The following HNMT variants were observed in gnomAD, a reference collection of about 807,000 sequenced individuals.
HNMT encodes the protein histamine N-methyltransferase.
Under a neutral mutation model 32.1 loss-of-function variants are expected in HNMT, and 30 were observed. The observed-to-expected ratio is 0.93, with a 90% CI of 0.70 to 1.27. The LOEUF is 1.27. HNMT is among the 50% of genes most tolerant of loss of function. The probability of loss-of-function intolerance (pLI) is 0.00; values close to 1 mark genes in which losing one functional copy is unlikely to be tolerated. For synonymous variants in HNMT, 125 were observed against 119.0 expected, an observed-to-expected ratio of 1.05 and a Z score of -0.33; for missense variants, 327 against 346.0, an observed-to-expected ratio of 0.95 and a Z score of 0.43.
intron 2 of HNMT, among the ~76,000 whole-genome samples, chr2:137,979,961 A>G (rs979408441): frequency 1.3e-5 from 2 of 152,048 alleles, no homozygotes; most frequent in Non-Finnish European, 2.9e-5. Flanking sequence ...TAAACAGCTG[A>G]AGCCCAAAGC....
chr2:137,988,336 T>C (rs370341172), intron 2 of HNMT, among the ~76,000 whole-genome samples: 76 of 152,232 alleles, frequency 5.0e-4, no homozygotes, highest in African/African-American at 1.7e-3. Flanking sequence ...ATGTGAATAA[T>C]CTTGACCTGA....
intron 4 of HNMT, chr2:138,002,432 TA>T (rs1241617946): frequency 1.1e-6 from 1 of 890,270 alleles, no homozygotes; most frequent in Admixed American, 5.4e-5. Context: ...TATCCATTTT[TA>T]AAAATGTTGG....
At position 137,978,899 on chromosome 2, in the gene HNMT, A is replaced by G. The variant is rs959268925; in HGVS notation, c.190+8682A>G. ...TTATATAATAAATAGTATAAAGTAT[A>G]CTCCATATTACATAATTATAATAGG... On this transcript the variant is annotated intron_variant, in intron 2 of 5. Transcript: ENST00000280097. Among the ~76,000 whole-genome samples, 10 of 139,904 alleles carry G rather than the reference A, an allele frequency of 7.1e-5. No individual in the cohort carries two copies. In the East Asian group the frequency reaches 2.1e-3, roughly 29 times the overall value. 91.8% of individuals were successfully genotyped at this position (139,904 alleles called of 152,430 possible).
chr2:137,987,697 A>G (rs1026008524), intron 2 of HNMT, among the ~76,000 whole-genome samples: 1 of 150,392 alleles, frequency 6.6e-6, no homozygotes, highest in East Asian at 2.0e-4. Context: ...ATGCCTGCAA[A>G]GATTAATGAT....
intron 2 of HNMT, among the ~76,000 whole-genome samples, chr2:137,984,886 A>G (rs1358191178): frequency 1.3e-5 from 2 of 152,156 alleles, no homozygotes; most frequent in African/African-American, 4.8e-5. Context: ...AGATTTAAAT[A>G]CCCTATGAAA....
intron 2 of HNMT, chr2:137,981,108 C>A: frequency 1.6e-6 from 2 of 1,282,390 alleles, no homozygotes; most frequent in Non-Finnish European, 2.1e-6. Flanking sequence ...TAAATTTTTC[C>A]TGCTGATAAT....
At position 138,015,525 on chromosome 2, in the gene HNMT, G is replaced by A. The variant is rs975985267; in HGVS notation, c.*1395G>A. The A allele has an allele frequency of 2.6e-5, 4 of 152,128 alleles. No homozygotes were observed. The highest frequency in any genetic ancestry group is 4.8e-5 in the African/African-American group (2 of 41,436). The allele number at this position is 152,128 out of a possible 1,614,324, so 9.4% of individuals were successfully genotyped here. A position where few individuals can be genotyped will look rare whatever the true frequency, so the allele number is the denominator to read the frequency against. On this transcript the variant is annotated 3_prime_UTR_variant, in exon 6 of 6. Coordinates refer to ENST00000280097, the MANE Select transcript of HNMT (RefSeq NM_006895.3). ...TTACACTAATAAACTACCAAGCTTT[G>A]TTGTTCATAATAAGTAAAATGGACT... is the stretch of plus-strand genomic sequence containing the variant.
At chr2:138,011,434 C>CAGTT (rs1681500477) in intron 5 of HNMT, among the ~76,000 whole-genome samples, 1 of 152,088 alleles carries the variant, frequency 6.6e-6, no homozygotes, top group Non-Finnish European at 1.5e-5. Flanking sequence ...GCATATCCTG[C>CAGTT]AGTTACCTCT....
At chr2:137,965,491 C>T (rs536708884) in intron 1 of HNMT, among the ~76,000 whole-genome samples, 1 of 152,212 alleles carries the variant, frequency 6.6e-6, no homozygotes, top group Non-Finnish European at 1.5e-5. Context: ...AATTCTTTCA[C>T]CAGGGCAGTA....
chr2:137,974,904 G>A (rs925650086), intron 2 of HNMT, among the ~76,000 whole-genome samples: 2 of 151,932 alleles, frequency 1.3e-5, no homozygotes, highest in Non-Finnish European at 2.9e-5. Context: ...CAGTTTGATG[G>A]GTCTCCTGTT....
In HNMT at chr2:138,010,766, G is replaced by A. The variant is rs572264731; in HGVS notation, c.524-3009G>A. On this transcript the variant is annotated intron_variant, in intron 5 of 5. Transcript: ENST00000280097. ...TTTGATTTGGGGATAAAAAAGAAGA[G>A]ATATAAGAACAAGAGAGTTGGATTT... Among the ~76,000 whole-genome samples, 716 of 152,152 alleles carry A rather than the reference G, an allele frequency of 4.7e-3. 8 individuals are homozygous for A. Among genetic ancestry groups the A allele is most frequent in the Middle Eastern group, 0.027 (8 of 294 alleles).
intron 2 of HNMT, among the ~76,000 whole-genome samples, chr2:137,986,361 C>T (rs2104950718): frequency 6.6e-6 from 1 of 151,862 alleles, no homozygotes; most frequent in South Asian, 2.1e-4. Context: ...GGCTGGAGAC[C>T]CAGGAGAGCC....
intron 4 of HNMT, among the ~76,000 whole-genome samples, chr2:138,004,277 A>G (rs2104979547): frequency 6.6e-6 from 1 of 152,232 alleles, no homozygotes; most frequent in East Asian, 1.9e-4. Context: ...ACCATGAGCC[A>G]TGCACAGGTC....
At chr2:137,970,957 GA>G (rs1680116056) in intron 2 of HNMT, among the ~76,000 whole-genome samples, 1 of 130,220 alleles carries the variant, frequency 7.7e-6, no homozygotes. Context: ...AAGAAAGAAA[GA>G]AAGAAAGAAA....
In HNMT at chr2:138,001,969, G is replaced by A. The variant is rs544316803; in HGVS notation, c.299-95G>A. 3.0e-5 allele frequency: 28 copies of A among 923,718 alleles called. No homozygotes were observed. In the South Asian group the frequency reaches 7.5e-4, roughly 25 times the overall value. The allele number at this position is 923,718 out of a possible 1,614,324, so 57.2% of individuals were successfully genotyped here. A position where few individuals can be genotyped will look rare whatever the true frequency, so the allele number is the denominator to read the frequency against. On this transcript the variant is annotated intron_variant, in intron 3 of 5. Transcript: ENST00000280097. ...AGAAAAACGTTCTTTCTATCTGTTT[G>A]TATATAACATTGATTGCATTAAAAT...
At chr2:137,992,744 T>A (rs1316277376) in intron 2 of HNMT, among the ~76,000 whole-genome samples, 2 of 152,034 alleles carry the variant, frequency 1.3e-5, no homozygotes, top group African/African-American at 4.8e-5. Context: ...GACCCTCCAA[T>A]AGAGGTTGTC....
At chr2:137,991,574 T>C (rs992756582) in intron 2 of HNMT, among the ~76,000 whole-genome samples, 1 of 152,026 alleles carries the variant, frequency 6.6e-6, no homozygotes, top group African/African-American at 2.4e-5. Context: ...TAAAAGACTA[T>C]TAACAAGGGC....
In HNMT at chr2:138,002,089, C is replaced by T. The variant is rs1214909095; in HGVS notation, c.324C>T (p.Leu108=). ...AGCTTGTAGCCAAGACATCGAACCTCGAGAACGTAAAGTTTGCTTGGCATA... is the reference window on the plus strand; with the variant it reads ...AGCTTGTAGCCAAGACATCGAACCTTGAGAACGTAAAGTTTGCTTGGCATA... The part of the protein sequence containing the change: ...YKELVAKTSN[L]ENVKFAWHKE... The change falls in exon 4 of 6, where the codon CTC becomes CTT. Residue 108 remains leucine, a synonymous_variant. Transcript: ENST00000280097. The T allele has an allele frequency of 6.3e-6, 10 of 1,591,880 alleles. No individual in the cohort carries two copies. The highest frequency in any genetic ancestry group is 2.7e-5 in the African/African-American group (2 of 73,906).
At chr2:138,002,684 T>C in intron 4 of HNMT, 1 of 431,958 alleles carries the variant, frequency 2.3e-6, no homozygotes, top group Non-Finnish European at 3.1e-6. Context: ...TGGGCTCAAG[T>C]GATCTTCCCT....
Sources: allele counts gnomAD v4.1 joint callset (sites outside exome capture counted in the v4.1 genomes callset), GRCh38; gene constraint gnomAD v4.1.1; transcripts MANE v1.5; gene names NCBI Gene and HGNC (gene_info 2026-07-23, HGNC 2026-07-21).